The following KCNIP1 variants were observed in gnomAD, a reference collection of about 807,000 sequenced individuals.
KCNIP1 encodes the protein A-type potassium channel modulatory protein KCNIP1.
KCNIP1 carries 18 observed loss-of-function variants against 33.0 expected under a neutral mutation model. The observed-to-expected ratio is 0.55, with a 90% CI of 0.38 to 0.81. The LOEUF is 0.81. Among genes scored for constraint, KCNIP1 ranks in the 30% least tolerant of loss-of-function variants. The pLI is 0.00. For missense variants in KCNIP1, 238 were observed against 271.6 expected, an observed-to-expected ratio of 0.88 and a Z score of 0.87; for synonymous variants, 93 against 98.3, an observed-to-expected ratio of 0.95 and a Z score of 0.32.
At chr5:170,561,273 T>C (rs1282257012) in intron 1 of KCNIP1, among the ~76,000 whole-genome samples, 2 of 152,126 alleles carry the variant, frequency 1.3e-5, no homozygotes, top group Non-Finnish European at 2.9e-5. Flanking sequence ...GAGACCGCCC[T>C]CCTCCCTGCC....
intron 1 of KCNIP1, among the ~76,000 whole-genome samples, chr5:170,425,373 A>C (rs1214510742): frequency 6.6e-6 from 1 of 152,224 alleles, no homozygotes; most frequent in East Asian, 1.9e-4. Flanking sequence ...GATTCTGAAA[A>C]CCAATTCTTA....
At chr5:170,517,684 CGGT>C (rs1755186740) in intron 1 of KCNIP1, among the ~76,000 whole-genome samples, 2 of 147,822 alleles carry the variant, frequency 1.4e-5, no homozygotes, top group Non-Finnish European at 3.0e-5. Flanking sequence ...ATGATAGTGA[CGGT>C]GGTGATGATG....
chr5:170,578,702 C>G (rs867149441), intron 1 of KCNIP1, among the ~76,000 whole-genome samples: 1 of 152,102 alleles, frequency 6.6e-6, no homozygotes, highest in South Asian at 2.1e-4. Flanking sequence ...GGACAATAGA[C>G]AAACAAATAT....
intron 1 of KCNIP1, among the ~76,000 whole-genome samples, chr5:170,370,152 C>T (rs1171247779): frequency 6.6e-6 from 1 of 152,002 alleles, no homozygotes; most frequent in Non-Finnish European, 1.5e-5. Flanking sequence ...GCAAGAGAGG[C>T]GGGAAGTTGC....
At chr5:170,490,886 C>G (rs1228982329) in intron 1 of KCNIP1, among the ~76,000 whole-genome samples, 2 of 152,190 alleles carry the variant, frequency 1.3e-5, no homozygotes, top group Admixed American at 1.3e-4. Context: ...TCTTTTACCT[C>G]AAGTTCTCTC....
intron 1 of KCNIP1, among the ~76,000 whole-genome samples, chr5:170,550,599 GA>G (rs1756586240): frequency 6.6e-6 from 1 of 151,990 alleles, no homozygotes; most frequent in African/African-American, 2.4e-5. Flanking sequence ...CAATGATGAT[GA>G]TGATGGTGAT....
At chr5:170,362,821 C>A (rs926666337) in intron 1 of KCNIP1, among the ~76,000 whole-genome samples, 2 of 152,202 alleles carry the variant, frequency 1.3e-5, no homozygotes, top group Admixed American at 6.5e-5. Flanking sequence ...ATTTTTCAAA[C>A]CATCTGTGCT....
chr5:170,606,821 A>T (rs1230945422), intron 1 of KCNIP1, among the ~76,000 whole-genome samples: 1 of 152,210 alleles, frequency 6.6e-6, no homozygotes, highest in Non-Finnish European at 1.5e-5. Flanking sequence ...CTCATGATGA[A>T]TGCAGCATCC....
intron 1 of KCNIP1, among the ~76,000 whole-genome samples, chr5:170,536,237 G>A (rs1755980014): frequency 6.6e-6 from 1 of 152,176 alleles, no homozygotes; most frequent in Non-Finnish European, 1.5e-5. Context: ...CTTAAACTAG[G>A]CGCTCCTTGC....
chr5:170,513,702 A>G (rs577245215), intron 1 of KCNIP1, among the ~76,000 whole-genome samples: 24 of 152,182 alleles, frequency 1.6e-4, no homozygotes, highest in Non-Finnish European at 2.8e-4. Flanking sequence ...TGCATAATGG[A>G]TTTCACTGAT....
At chr5:170,647,319 T>G (rs1268617333) in intron 1 of KCNIP1, among the ~76,000 whole-genome samples, 1 of 152,130 alleles carries the variant, frequency 6.6e-6, no homozygotes, top group African/African-American at 2.4e-5. Context: ...AATAGTCAAT[T>G]TAATACTGAA....
chr5:170,402,439 A>G (rs551878945), intron 1 of KCNIP1, among the ~76,000 whole-genome samples: 3 of 152,152 alleles, frequency 2.0e-5, no homozygotes, highest in Non-Finnish European at 2.9e-5. Context: ...GGGAAGTCCA[A>G]TATGGATGTT....
upstream of KCNIP1, among the ~76,000 whole-genome samples, chr5:170,500,143 G>A (rs969591681): frequency 6.6e-6 from 1 of 152,186 alleles, no homozygotes; most frequent in Non-Finnish European, 1.5e-5. Context: ...GTGCTCACAT[G>A]GTATCTTTGT....
chr5:170,575,667 C>G (rs892303797), intron 1 of KCNIP1, among the ~76,000 whole-genome samples: 1 of 152,190 alleles, frequency 6.6e-6, no homozygotes, highest in Non-Finnish European at 1.5e-5. Context: ...ACTTAGTCCT[C>G]CCACTTGCTT....
intron 1 of KCNIP1, among the ~76,000 whole-genome samples, chr5:170,558,658 C>T (rs1389048884): frequency 2.0e-5 from 3 of 152,204 alleles, no homozygotes; most frequent in Non-Finnish European, 4.4e-5. Context: ...TTCAACCCAC[C>T]TGTACATTTC....
At chr5:170,607,859 C>T (rs1433933987) in intron 1 of KCNIP1, among the ~76,000 whole-genome samples, 2 of 152,148 alleles carry the variant, frequency 1.3e-5, no homozygotes, top group Admixed American at 6.5e-5. Context: ...GGATGTGTGA[C>T]GAGAAAGTTT....
chr5:170,570,031 C>A (rs1343749822), intron 1 of KCNIP1, among the ~76,000 whole-genome samples: 1 of 152,158 alleles, frequency 6.6e-6, no homozygotes, highest in Non-Finnish European at 1.5e-5. Context: ...AAGGTCCCTG[C>A]CCATCTGCAA....
At chr5:170,686,842 C>T (rs933152493) in intron 1 of KCNIP1, among the ~76,000 whole-genome samples, 7 of 152,202 alleles carry the variant, frequency 4.6e-5, no homozygotes, top group African/African-American at 1.4e-4. Flanking sequence ...CAGCCATCCT[C>T]CTTTATTTCC....
At chr5:170,491,312 G>C (rs1757202003) in intron 1 of KCNIP1, among the ~76,000 whole-genome samples, 1 of 152,206 alleles carries the variant, frequency 6.6e-6, no homozygotes, top group Non-Finnish European at 1.5e-5. Flanking sequence ...ACCACACAAA[G>C]TAGCATTCTA....
Sources: allele counts gnomAD v4.1 joint callset (sites outside exome capture counted in the v4.1 genomes callset), GRCh38; gene constraint gnomAD v4.1.1; transcripts MANE v1.5; gene names NCBI Gene and HGNC (gene_info 2026-07-23, HGNC 2026-07-21).